LRBA: variants seen among roughly 807,000 people sequenced by gnomAD.
The protein encoded by LRBA is LPS responsive beige-like anchor protein.
Under a neutral mutation model 330.0 loss-of-function variants are expected in LRBA, and 176 were observed. The observed-to-expected ratio is 0.53, with a 90% confidence interval of 0.47 to 0.60. The LOEUF (loss-of-function observed/expected upper bound fraction) is 0.60, where lower values mean the gene tolerates loss of function less well. Among genes scored for constraint, LRBA ranks in the 20% least tolerant of loss-of-function variants. LRBA has a pLI of 0.00. For synonymous variants in LRBA, 1,230 were observed against 1,193.0 expected (o/e 1.03, Z -0.64); for missense variants, 3,259 against 3,444.8 (o/e 0.95, Z 1.35).
At chr4:150,554,655 T>C (rs1767059164) in intron 40 of LRBA, among the ~76,000 whole-genome samples, 1 of 152,118 alleles carries the variant, frequency 6.6e-6, no homozygotes, top group Non-Finnish European at 1.5e-5. Flanking sequence ...TTCATCAATA[T>C]ATATTAGTAA....
In LRBA at chr4:150,844,768, C is replaced by A. The variant is rs747397724; in HGVS notation, c.4351G>T (p.Ala1451Ser). The part of the protein sequence containing the change: ...RQCLRLVCAV[A>S]VRNCLECQQH... ...TGACACTCCAAGCAATTCCTTACTG[C>A]GACTGCACAAACTGTAATTTATTTT... Residue 1451 changes from alanine (A) to serine (S), a missense_variant, in exon 27 of 57, where the codon GCA becomes TCA. By Grantham distance (99) the Ala-to-Ser change is moderately conservative. Transcript: ENST00000651943. The A allele has an allele frequency of 4.3e-6, 7 of 1,611,018 alleles. No homozygotes were observed. The highest frequency in any genetic ancestry group is 1.7e-5 in the Admixed American group (1 of 59,738).
At chr4:150,759,746 A>G (rs1021147479) in intron 35 of LRBA, among the ~76,000 whole-genome samples, 2 of 151,962 alleles carry the variant, frequency 1.3e-5, no homozygotes, top group Admixed American at 6.6e-5. Flanking sequence ...ATCTTTATCT[A>G]TTTTGTTTAT....
At chr4:150,318,529 G>A (rs1304593718) in intron 50 of LRBA, among the ~76,000 whole-genome samples, 1 of 151,950 alleles carries the variant, frequency 6.6e-6, no homozygotes, top group African/African-American at 2.4e-5. Flanking sequence ...TTTAAATCAA[G>A]GCATAGTGAC....
rs1024084422 is a variant in LRBA, at chr4:150,353,777, C to T, written c.7195-3618G>A. Among the ~76,000 whole-genome samples the T allele has an allele frequency of 3.9e-5, 6 of 152,230 alleles. No homozygotes were observed. In the East Asian group the frequency reaches 7.7e-4, roughly 20 times the overall value. Reference sequence around the variant, plus strand: ...CCTTAAGGAGTTGACCAGTAATTCGCGGAACTATTGGCAAAATCACTTCCA... The same window carrying T: ...CCTTAAGGAGTTGACCAGTAATTCGTGGAACTATTGGCAAAATCACTTCCA... On this transcript the variant is annotated intron_variant, in intron 47 of 56. Transcript: ENST00000651943.
intron 48 of LRBA, among the ~76,000 whole-genome samples, chr4:150,326,462 T>C (rs1193754888): frequency 1.3e-5 from 2 of 152,206 alleles, no homozygotes; most frequent in African/African-American, 4.8e-5. Flanking sequence ...AAGCATGAGA[T>C]GGTTAAACCA....
At chr4:150,942,689 C>G (rs1205699677) in intron 2 of LRBA, among the ~76,000 whole-genome samples, 3 of 152,044 alleles carry the variant, frequency 2.0e-5, no homozygotes, top group Non-Finnish European at 4.4e-5. Flanking sequence ...TCCATTTCTA[C>G]TATCATAACT....
At chr4:150,746,112 T>C (rs1015079921) in intron 35 of LRBA, among the ~76,000 whole-genome samples, 2 of 152,240 alleles carry the variant, frequency 1.3e-5, no homozygotes, top group African/African-American at 4.8e-5. Context: ...ACATATACAG[T>C]ATTTATGTGC....
intron 21 of LRBA, 65 bp from the exon 22 acceptor site, chr4:150,867,928 G>A: frequency 7.4e-7 from 1 of 1,350,182 alleles, no homozygotes; most frequent in Non-Finnish European, 1.0e-6. Context: ...AAATCTAAAG[G>A]TTTAAAACAA....
chr4:150,940,246 A>AG (rs1294769547), intron 2 of LRBA, among the ~76,000 whole-genome samples: 2 of 150,964 alleles, frequency 1.3e-5, no homozygotes, highest in Admixed American at 6.6e-5. Flanking sequence ...TCTTAAAAAA[A>AG]AAAAAAAATA....
intron 5 of LRBA, among the ~76,000 whole-genome samples, chr4:150,917,278 A>T (rs1429962602): frequency 6.6e-6 from 1 of 152,118 alleles, no homozygotes. Context: ...TTAAATGAAA[A>T]AAAAATTCAG....
chr4:150,787,856 G>C (rs1578782727), intron 34 of LRBA, among the ~76,000 whole-genome samples: 3 of 152,170 alleles, frequency 2.0e-5, no homozygotes, highest in South Asian at 4.2e-4. Flanking sequence ...GAGTTCAACT[G>C]TTGCTTCCAA....
chr4:150,568,822 T>A (rs2152280773), intron 40 of LRBA, among the ~76,000 whole-genome samples: 1 of 152,272 alleles, frequency 6.6e-6, no homozygotes. Flanking sequence ...CATTCGGTTT[T>A]AAAATGCCTT....
intron 44 of LRBA, among the ~76,000 whole-genome samples, chr4:150,448,917 C>T (rs111746358): frequency 3.6e-4 from 54 of 150,894 alleles, no homozygotes; most frequent in African/African-American, 1.2e-3. Context: ...TAGAAACACA[C>T]GGGAGTTTGC....
rs2047915939 is a variant in LRBA, at chr4:151,001,510, C to A, written c.216+12917G>T. On this transcript the variant is annotated intron_variant, in intron 2 of 56. Transcript: ENST00000651943. ...TCCCTCAGCCCACTACCATTGGCAC[C>A]TGAACACAACACCTATCCTGAGGAT... 2.6e-5 allele frequency among the ~76,000 whole-genome samples: 4 copies of A among 152,202 alleles called. No homozygotes were observed. The South Asian group carries it at 8.3e-4, about 32-fold the overall frequency.
At chr4:150,892,588 T>C (rs972391679) in intron 17 of LRBA, among the ~76,000 whole-genome samples, 1 of 152,220 alleles carries the variant, frequency 6.6e-6, no homozygotes, top group Admixed American at 6.5e-5. Context: ...AAACCAATTT[T>C]TGTTGTGTAA....
intron 40 of LRBA, among the ~76,000 whole-genome samples, chr4:150,586,185 T>G (rs1164475959): frequency 1.3e-5 from 2 of 152,288 alleles, no homozygotes; most frequent in East Asian, 3.9e-4. Context: ...GTGCTTACAT[T>G]TGCACAAAAT....
At chr4:150,634,650 T>A (rs1777707591) in intron 37 of LRBA, among the ~76,000 whole-genome samples, 1 of 152,210 alleles carries the variant, frequency 6.6e-6, no homozygotes, top group Non-Finnish European at 1.5e-5. Context: ...CTTCTTTGCA[T>A]TCTTTTTTCA....
chr4:150,830,560 C>T (rs1747017957), intron 29 of LRBA, among the ~76,000 whole-genome samples: 1 of 152,068 alleles, frequency 6.6e-6, no homozygotes, highest in Non-Finnish European at 1.5e-5. Context: ...ACCCAGCAAA[C>T]ATCATCTGAA....
chr4:150,279,429 G>A (rs1309510133), intron 55 of LRBA, among the ~76,000 whole-genome samples: 7 of 152,054 alleles, frequency 4.6e-5, no homozygotes, highest in Admixed American at 2.0e-4. Context: ...ACCTGTAATC[G>A]CATGTCCACC....
Sources: allele counts gnomAD v4.1 joint callset (sites outside exome capture counted in the v4.1 genomes callset), GRCh38; gene constraint gnomAD v4.1.1; transcripts MANE v1.5; gene names NCBI Gene and HGNC (gene_info 2026-07-23, HGNC 2026-07-21).